Variants in BORCS5 observed in about 807,000 individuals in gnomAD.
The protein encoded by BORCS5 is BLOC-1 related complex subunit 5.
A neutral mutation model predicts 22.1 loss-of-function variants in BORCS5; 17 were observed. That is an observed-to-expected ratio of 0.77 (90% CI 0.53 to 1.15). The LOEUF (loss-of-function observed/expected upper bound fraction) is 1.15, where lower values mean the gene tolerates loss of function less well. Ranked by LOEUF, BORCS5 falls within the 50% of genes most tolerant of loss-of-function variation. The probability of loss-of-function intolerance (pLI) is 0.00; values close to 1 mark genes in which losing one functional copy is unlikely to be tolerated. For synonymous variants in BORCS5, 117 were observed against 99.8 expected, an observed-to-expected ratio of 1.17 and a Z score of -1.03; for missense variants, 247 against 253.2, an observed-to-expected ratio of 0.98 and a Z score of 0.17.
At chr12:12,444,627 T>G (rs1454160284) in intron 3 of BORCS5, among the ~76,000 whole-genome samples, 1 of 152,186 alleles carries the variant, frequency 6.6e-6, no homozygotes, top group East Asian at 1.9e-4. Flanking sequence ...GAACTTAGAT[T>G]CCTAAAATGC....
At chr12:12,409,854 A>C (rs1346979557) in intron 2 of BORCS5, among the ~76,000 whole-genome samples, 10 of 151,902 alleles carry the variant, frequency 6.6e-5, no homozygotes, top group African/African-American at 2.4e-4. Context: ...CAACAGTGTA[A>C]AAGTGTTCCT....
At chr12:12,449,235 G>A (rs1023557956) in intron 3 of BORCS5, among the ~76,000 whole-genome samples, 4 of 152,178 alleles carry the variant, frequency 2.6e-5, no homozygotes, top group African/African-American at 9.7e-5. Context: ...AAGGGCTGGG[G>A]TGCTTGGTTA....
At position 12,385,417 on chromosome 12, in the gene BORCS5, T is replaced by C. The variant is rs562691692; in HGVS notation, c.202+24068T>C. ...GAAAGCTTCCTGTTCTCATTACCTGTCCCATTCTGGTACAACATCTGCTTC... is the reference window on the plus strand; with the variant it reads ...GAAAGCTTCCTGTTCTCATTACCTGCCCCATTCTGGTACAACATCTGCTTC... On this transcript the variant is annotated intron_variant, in intron 2 of 3. Transcript: ENST00000314565. 1.1e-3 allele frequency among the ~76,000 whole-genome samples: 167 copies of C among 151,550 alleles called. 2 individuals are homozygous for C. The highest frequency in any genetic ancestry group is 3.9e-3 in the African/African-American group (161 of 41,318).
intron 3 of BORCS5, among the ~76,000 whole-genome samples, chr12:12,453,923 A>G (rs1942956864): frequency 6.6e-6 from 1 of 152,186 alleles, no homozygotes. Context: ...ATATAAAGGG[A>G]ATCATGTGAT....
rs1053533837 is a variant in BORCS5, at chr12:12,467,109, A to T, written c.*1333A>T. 1 of 152,208 alleles carries T rather than the reference A, an allele frequency of 6.6e-6. No homozygotes were observed. Among genetic ancestry groups the T allele is most frequent in the Admixed American group, 6.5e-5 (1 of 15,280 alleles). 9.4% of individuals were successfully genotyped at this position (152,208 alleles called of 1,614,324 possible). A position where few individuals can be genotyped will look rare whatever the true frequency, so the allele number is the denominator to read the frequency against. On this transcript the variant is annotated 3_prime_UTR_variant, in exon 4 of 4. Transcript: ENST00000314565. ...AAATCCAGCTAATTAAAAAAAATTA[A>T]TTAATTTTACATTTTCAAATTCAAA...
intron 3 of BORCS5, among the ~76,000 whole-genome samples, chr12:12,438,374 A>AAAAAAAC (rs1942606655): frequency 1.6e-5 from 2 of 125,046 alleles, no homozygotes; most frequent in Admixed American, 7.9e-5. Context: ...AAAAAAAAAA[A>AAAAAAAC]AAAAAACGAA....
At chr12:12,361,382 G>T in intron 2 of BORCS5, 33 bp downstream of exon 2, 1 of 1,606,796 alleles carries the variant, frequency 6.2e-7, no homozygotes, top group Non-Finnish European at 8.5e-7. Flanking sequence ...ATCTGAACTT[G>T]CTGGAGACGT....
chr12:12,447,173 A>G (rs1942806348), intron 3 of BORCS5, among the ~76,000 whole-genome samples: 1 of 152,146 alleles, frequency 6.6e-6, no homozygotes, highest in Non-Finnish European at 1.5e-5. Context: ...TCATAGTTGT[A>G]TTCTGCAAAA....
intron 2 of BORCS5, among the ~76,000 whole-genome samples, chr12:12,432,719 C>T (rs969746044): frequency 8.5e-5 from 13 of 152,210 alleles, no homozygotes; most frequent in Non-Finnish European, 2.9e-5. Flanking sequence ...ATTGATATAT[C>T]AACAACATAG....
chr12:12,373,224 C>G (rs1863569533), intron 2 of BORCS5, among the ~76,000 whole-genome samples: 1 of 152,182 alleles, frequency 6.6e-6, no homozygotes, highest in African/African-American at 2.4e-5. Flanking sequence ...GAAGAGTGCC[C>G]TCACCAAATA....
chr12:12,458,148 T>G (rs569690879), intron 3 of BORCS5, among the ~76,000 whole-genome samples: 22 of 152,328 alleles, frequency 1.4e-4, no homozygotes, highest in African/African-American at 5.3e-4. Flanking sequence ...TGTTTTGTTT[T>G]CCTGATCTGT....
intron 2 of BORCS5, among the ~76,000 whole-genome samples, chr12:12,413,702 C>T (rs1236953271): frequency 3.3e-5 from 4 of 119,644 alleles, no homozygotes; most frequent in South Asian, 2.5e-4. Flanking sequence ...GCTGGCCGGG[C>T]GGGGGGCTGA....
rs184917461 is a variant in BORCS5, at chr12:12,449,847, G to A, written c.360+14062G>A. 3.3e-5 allele frequency among the ~76,000 whole-genome samples: 5 copies of A among 152,306 alleles called. 1 individual carries two copies. The Middle Eastern group carries it at 0.01, about 311-fold the overall frequency. On this transcript the variant is annotated intron_variant, in intron 3 of 3. Transcript: ENST00000314565. Reference sequence around the variant, plus strand: ...TAATAAGGAGCCGGGGAAGGTTTACGTAATTCAGAAGGAAGCAGACGTGTG... The same window carrying A: ...TAATAAGGAGCCGGGGAAGGTTTACATAATTCAGAAGGAAGCAGACGTGTG...
intron 3 of BORCS5, among the ~76,000 whole-genome samples, chr12:12,438,072 A>G (rs551865820): frequency 1.3e-5 from 2 of 152,306 alleles, no homozygotes; most frequent in East Asian, 1.9e-4. Context: ...TTAATTAACT[A>G]TGACATTAAC....
intron 3 of BORCS5, among the ~76,000 whole-genome samples, chr12:12,439,673 T>C (rs933507609): frequency 3.9e-5 from 6 of 152,306 alleles, no homozygotes; most frequent in African/African-American, 1.4e-4. Context: ...TGGGATTCAC[T>C]TTGAATAGTC....
chr12:12,433,289 C>T (rs1435604458), intron 2 of BORCS5, among the ~76,000 whole-genome samples: 1 of 142,788 alleles, frequency 7.0e-6, no homozygotes, highest in African/African-American at 2.7e-5. Flanking sequence ...TTCCACTGTG[C>T]TCCAGCCTGG....
At chr12:12,378,468 T>A (rs1338023555) in intron 2 of BORCS5, among the ~76,000 whole-genome samples, 1 of 152,182 alleles carries the variant, frequency 6.6e-6, no homozygotes, top group Non-Finnish European at 1.5e-5. Context: ...TAATAAACCC[T>A]CAGTACATGA....
chr12:12,419,373 C>T, intron 2 of BORCS5, among the ~76,000 whole-genome samples: 1 of 152,160 alleles, frequency 6.6e-6, no homozygotes, highest in Non-Finnish European at 1.5e-5. Flanking sequence ...AGGACATGAA[C>T]TCATCCTTTT....
intron 2 of BORCS5, among the ~76,000 whole-genome samples, chr12:12,427,381 C>T (rs1035888472): frequency 1.4e-4 from 21 of 151,902 alleles, no homozygotes; most frequent in African/African-American, 2.2e-4. Flanking sequence ...GGGGTTTCAC[C>T]GTGTTAGCCA....
Sources: allele counts gnomAD v4.1 joint callset (sites outside exome capture counted in the v4.1 genomes callset), GRCh38; gene constraint gnomAD v4.1.1; transcripts MANE v1.5; gene names NCBI Gene and HGNC (gene_info 2026-07-23, HGNC 2026-07-21).